Variants in PTPRZ1 observed in about 807,000 individuals in gnomAD.
PTPRZ1 encodes the protein receptor-type tyrosine-protein phosphatase zeta.
Under a neutral mutation model 214.1 loss-of-function variants are expected in PTPRZ1, and 82 were observed. The ratio of observed to expected loss-of-function variants is 0.38; its 90% confidence interval spans 0.32 to 0.46. PTPRZ1 has a LOEUF of 0.46. Ranked by LOEUF, PTPRZ1 falls within the 20% of genes least tolerant of loss-of-function variation. PTPRZ1 has a pLI of 1.00. For synonymous variants in PTPRZ1, 945 were observed against 987.9 expected, an observed-to-expected ratio of 0.96 and a Z score of 0.81; for missense variants, 2,603 against 2,748.7, an observed-to-expected ratio of 0.95 and a Z score of 1.19.
chr7:122,013,041 A>C lies in PTPRZ1; in HGVS notation c.3995A>C (p.His1332Pro). Reference sequence around the variant, plus strand: ...AATACACTAATAAATAAGCTTATACATTCCGATGAAATTTTAACCTCCACC... The same window carrying C: ...AATACACTAATAAATAAGCTTATACCTTCCGATGAAATTTTAACCTCCACC... The part of the protein sequence containing the change: ...PLNTLINKLI[H>P]SDEILTSTKS... Residue 1332 changes from histidine (H) to proline (P), a missense_variant, in exon 12 of 30, where the codon CAT becomes CCT. Transcript: ENST00000393386. 6.2e-7 allele frequency: 1 copy of C among 1,613,846 alleles called. No individual in the cohort carries two copies. Among genetic ancestry groups the C allele is most frequent in the South Asian group, 1.1e-5 (1 of 91,072 alleles).
chr7:121,990,142 A>G (rs1051992441), intron 8 of PTPRZ1, among the ~76,000 whole-genome samples: 14 of 152,150 alleles, frequency 9.2e-5, no homozygotes, highest in African/African-American at 3.1e-4. Flanking sequence ...TAACATCCTC[A>G]TTTTGACCAA....
Position 121,956,971 on chromosome 7 carries a change from T to G in PTPRZ1, c.125-10980T>G, listed in dbSNP as rs181885586. Among the ~76,000 whole-genome samples, 79 of 152,168 alleles carry G rather than the reference T, an allele frequency of 5.2e-4. 2 individuals are homozygous for G. Among genetic ancestry groups the G allele is most frequent in the Admixed American group, 4.4e-3 (67 of 15,282 alleles). On this transcript the variant is annotated intron_variant, in intron 2 of 29. Coordinates refer to ENST00000393386, the MANE Select transcript of PTPRZ1 (RefSeq NM_002851.3). ...TTAACAACATAGCTTAAAAAAAAAG[T>G]AAAACAAAATTCTGCATTTTTATAA...
In PTPRZ1 at chr7:121,967,936, C is replaced by T. The variant is rs752694583; in HGVS notation, c.125-15C>T. The T allele has an allele frequency of 6.6e-7, 1 of 1,515,778 alleles. No homozygotes were observed. The highest frequency in any genetic ancestry group is 1.4e-5 in the African/African-American group (1 of 71,060). The allele number at this position is 1,515,778 out of a possible 1,614,324, so 93.9% of individuals were successfully genotyped here. ...AATTTAAGAAACTAAATTTCTTACTCCTTCTTTTCCCTAGGAGCACTGAAT... is the reference window on the plus strand; with the variant it reads ...AATTTAAGAAACTAAATTTCTTACTTCTTCTTTTCCCTAGGAGCACTGAAT... On this transcript the variant is annotated splice_polypyrimidine_tract_variant and intron_variant, in intron 2 of 29. Coordinates refer to ENST00000393386, the MANE Select transcript of PTPRZ1 (RefSeq NM_002851.3).
chr7:122,038,795 C>G lies in PTPRZ1; in HGVS notation c.5408C>G (p.Pro1803Arg). 1 of 1,613,612 alleles carries G rather than the reference C, an allele frequency of 6.2e-7. No individual in the cohort carries two copies. Among genetic ancestry groups the G allele is most frequent in the Non-Finnish European group, 8.5e-7 (1 of 1,179,702 alleles). ...AAAGCTTATATTGCTGCCCAAGGCC[C>G]ACTGAAATCCACAGCTGAAGATTTC... ...RPKAYIAAQGPLKSTAEDFWR... is the reference protein window; with the variant it reads ...RPKAYIAAQGRLKSTAEDFWR... The change falls in exon 19 of 30, where the codon CCA becomes CGA. Residue 1803 changes from proline to arginine, a missense_variant. Coordinates refer to ENST00000393386, the MANE Select transcript of PTPRZ1 (RefSeq NM_002851.3).
At position 121,888,473 on chromosome 7, in the gene PTPRZ1, C is replaced by T. The variant is rs576802047; in HGVS notation, c.58+14916C>T. ...CTAATAGACAAATGGAAATTATTTA[C>T]ACAAACTTCTGTAACTGCCCAGTTC... On this transcript the variant is annotated intron_variant, in intron 1 of 29. Transcript: ENST00000393386. Among the ~76,000 whole-genome samples the T allele has an allele frequency of 2.0e-4, 31 of 152,138 alleles. No individual in the cohort carries two copies. The South Asian group carries it at 5.4e-3, about 26-fold the overall frequency.
rs1792555430 is a variant in PTPRZ1 at position 122,060,942 on chromosome 7, T to C, written c.6808-138T>C. ...GACATCAGTATAGGTTGTGTGCATCTGCTGAGTATAACAGTGCCCTTAACA... is the reference window on the plus strand; with the variant it reads ...GACATCAGTATAGGTTGTGTGCATCCGCTGAGTATAACAGTGCCCTTAACA... On this transcript the variant is annotated intron_variant, in intron 29 of 29. Coordinates refer to ENST00000393386, the MANE Select transcript of PTPRZ1 (RefSeq NM_002851.3). 4.5e-6 allele frequency: 3 copies of C among 663,806 alleles called. No individual in the cohort carries two copies. In the Admixed American group the frequency reaches 1.2e-4, roughly 26 times the overall value. The allele number at this position is 663,806 out of a possible 1,614,324, so 41.1% of individuals were successfully genotyped here.
chr7:122,012,012 C>G lies in PTPRZ1; in HGVS notation c.2966C>G (p.Ala989Gly). Residue 989 changes from alanine to glycine, a missense_variant, in exon 12 of 30, where the codon GCC becomes GGC. Transcript: ENST00000393386. ...GCATCATTACTGCAGCCTACTCATGCCCTCTCTGGTGATGGGGAATGGTCT... is the reference window on the plus strand; with the variant it reads ...GCATCATTACTGCAGCCTACTCATGGCCTCTCTGGTGATGGGGAATGGTCT... Reference protein sequence around the residue: ...PTASLLQPTHALSGDGEWSGA... With the variant: ...PTASLLQPTHGLSGDGEWSGA... The G allele has an allele frequency of 6.2e-7, 1 of 1,614,200 alleles. No individual in the cohort carries two copies. Among genetic ancestry groups the G allele is most frequent in the East Asian group, 2.2e-5 (1 of 44,880 alleles).
intron 8 of PTPRZ1, among the ~76,000 whole-genome samples, chr7:121,994,225 A>T (rs1017625950): frequency 3.3e-5 from 5 of 151,160 alleles, no homozygotes; most frequent in African/African-American, 1.2e-4. Flanking sequence ...TTTTGCAATG[A>T]ATCCTTTATT....
intron 2 of PTPRZ1, among the ~76,000 whole-genome samples, chr7:121,943,273 T>C (rs1472536765): frequency 1.3e-5 from 2 of 152,210 alleles, no homozygotes; most frequent in Non-Finnish European, 1.5e-5. Context: ...TTTTTGACAG[T>C]GAAATTGTCA....
intron 8 of PTPRZ1, among the ~76,000 whole-genome samples, chr7:121,992,084 G>A (rs1295825934): frequency 6.6e-6 from 1 of 152,210 alleles, no homozygotes; most frequent in East Asian, 1.9e-4. Context: ...AAATTAGTGG[G>A]AAATAACTGA....
intron 22 of PTPRZ1, among the ~76,000 whole-genome samples, 188 bp from the exon 23 acceptor site, chr7:122,044,234 G>T (rs999158015): frequency 6.6e-6 from 1 of 152,180 alleles, no homozygotes; most frequent in Non-Finnish European, 1.5e-5. Flanking sequence ...ATGAGAAGAG[G>T]TTCTTTCTTC....
rs775050979 is a variant in PTPRZ1, at chr7:122,011,749, A to G, written c.2703A>G (p.Lys901=). The G allele has an allele frequency of 1.2e-6, 2 of 1,614,044 alleles. No individual in the cohort carries two copies. The highest frequency in any genetic ancestry group is 2.2e-5 in the South Asian group (2 of 91,070). The change falls in exon 12 of 30, where the codon AAA becomes AAG. Residue 901 remains lysine, a synonymous_variant. Coordinates refer to ENST00000393386, the MANE Select transcript of PTPRZ1 (RefSeq NM_002851.3). ...EFGSESGVLY[K]TLMFSQVEPP... ...GTAGTGAATCTGGTGTTCTTTATAA[A>G]ACGCTTATGTTTTCTCAAGTTGAAC...
intron 27 of PTPRZ1, among the ~76,000 whole-genome samples, chr7:122,057,968 GTA>G (rs1187382675): frequency 0.15 from 5,317 of 35,116 alleles, 180 homozygotes; most frequent in African/African-American, 0.38. Flanking sequence ...GTGTGTGTGT[GTA>G]TATATATACA....
At chr7:121,956,741 A>G (rs1796718982) in intron 2 of PTPRZ1, among the ~76,000 whole-genome samples, 2 of 152,192 alleles carry the variant, frequency 1.3e-5, no homozygotes, top group South Asian at 2.1e-4. Flanking sequence ...AAAACATAAG[A>G]ACTAATTTGT....
intron 2 of PTPRZ1, among the ~76,000 whole-genome samples, chr7:121,955,928 A>C (rs1796691461): frequency 6.6e-6 from 1 of 152,180 alleles, no homozygotes. Context: ...TTTCAGCACT[A>C]TCACTCTATC....
intron 8 of PTPRZ1, among the ~76,000 whole-genome samples, chr7:121,993,955 T>G (rs946749411): frequency 3.9e-5 from 6 of 152,186 alleles, no homozygotes; most frequent in African/African-American, 1.4e-4. Context: ...CACAGGTATT[T>G]AAAAAGTAAA....
intron 8 of PTPRZ1, among the ~76,000 whole-genome samples, chr7:121,994,961 TA>T (rs1277605463): frequency 6.6e-6 from 1 of 152,184 alleles, no homozygotes; most frequent in African/African-American, 2.4e-5. Flanking sequence ...TATAAAGCTA[TA>T]CATGTATTTA....
intron 1 of PTPRZ1, among the ~76,000 whole-genome samples, chr7:121,901,564 CTT>C (rs745654276): frequency 1.8e-4 from 27 of 152,046 alleles, no homozygotes; most frequent in Non-Finnish European, 3.7e-4. Flanking sequence ...TAATTAATCT[CTT>C]GATATTTTAT....
chr7:121,887,713 G>A (rs1794442070), intron 1 of PTPRZ1, among the ~76,000 whole-genome samples: 1 of 152,120 alleles, frequency 6.6e-6, no homozygotes, highest in African/African-American at 2.4e-5. Context: ...AGAACTATAA[G>A]TTTCTTTATT....
Sources: allele counts gnomAD v4.1 joint callset (sites outside exome capture counted in the v4.1 genomes callset), GRCh38; gene constraint gnomAD v4.1.1; transcripts MANE v1.5; gene names NCBI Gene and HGNC (gene_info 2026-07-23, HGNC 2026-07-21).